VWA8: variants seen among roughly 807,000 people sequenced by gnomAD.
The protein encoded by VWA8 is von Willebrand factor A domain-containing protein 8.
A neutral mutation model predicts 241.5 loss-of-function variants in VWA8; 221 were observed. That is an observed-to-expected ratio of 0.91 (90% confidence interval 0.82 to 1.02). The LOEUF (loss-of-function observed/expected upper bound fraction) is 1.02. VWA8 is among the 50% of genes least tolerant of loss of function. The pLI is 0.00. For synonymous variants in VWA8, 852 were observed against 827.1 expected (o/e 1.03, Z -0.52); for missense variants, 2,322 against 2,328.7 (o/e 1.00, Z 0.06).
chr13:41,604,654 A>G (rs12323134), intron 40 of VWA8, among the ~76,000 whole-genome samples: 71,580 of 151,960 alleles, frequency 0.47, 17,760 homozygotes, highest in South Asian at 0.66. Flanking sequence ...GAATGGAGAA[A>G]CAGGGCACAG....
intron 21 of VWA8, among the ~76,000 whole-genome samples, chr13:41,757,404 A>G (rs1455815240): frequency 6.6e-6 from 1 of 151,824 alleles, no homozygotes; most frequent in Non-Finnish European, 1.5e-5. Flanking sequence ...ATGAAGCTGG[A>G]GTAAAAGAAC....
In VWA8 at chr13:41,729,663, C is replaced by G; in HGVS notation, c.2517G>C (p.Lys839Asn). The change falls in exon 23 of 45, where the codon AAG becomes AAC. Residue 839 changes from lysine (K) to asparagine (N), a missense_variant. Transcript: ENST00000379310. ...CATCTACTACCAGAATATGACCCAA[C>G]TTTACTGCTTTAACCTTTGACGACA... The part of the protein sequence containing the change: ...YEDSPLVKAV[K>N]LGHILVVDEA... 1.2e-6 allele frequency: 2 copies of G among 1,611,298 alleles called. No individual in the cohort carries two copies. Among genetic ancestry groups the G allele is most frequent in the Non-Finnish European group, 1.7e-6 (2 of 1,178,948 alleles).
At position 41,709,224 on chromosome 13, in the gene VWA8, G is replaced by A. The variant is rs142989056; in HGVS notation, c.3117-5813C>T. Among the ~76,000 whole-genome samples, 38 of 152,318 alleles carry A rather than the reference G, an allele frequency of 2.5e-4. No homozygotes were observed. In the East Asian group the frequency reaches 6.8e-3, roughly 27 times the overall value. On this transcript the variant is annotated intron_variant, in intron 26 of 44. Coordinates refer to ENST00000379310, the MANE Select transcript of VWA8 (RefSeq NM_015058.2). ...ATGTTTTCCTTACTAGAGTGTTAATGCATCGAGAGTAAGCCTTACATATTA... is the reference window on the plus strand; with the variant it reads ...ATGTTTTCCTTACTAGAGTGTTAATACATCGAGAGTAAGCCTTACATATTA...
intron 42 of VWA8, among the ~76,000 whole-genome samples, chr13:41,584,128 A>G (rs2044401858): frequency 6.6e-6 from 1 of 152,196 alleles, no homozygotes; most frequent in Admixed American, 6.5e-5. Flanking sequence ...AACCTAAGTG[A>G]GGGCACATGG....
intron 36 of VWA8, among the ~76,000 whole-genome samples, chr13:41,674,321 G>C (rs562088462): frequency 6.6e-6 from 1 of 152,126 alleles, no homozygotes; most frequent in Non-Finnish European, 1.5e-5. Context: ...TGTTGTCCCT[G>C]GTCTTCCTCT....
intron 2 of VWA8, chr13:41,925,996 C>A (rs777770448): frequency 1.0e-5 from 4 of 401,772 alleles, no homozygotes; most frequent in Non-Finnish European, 1.9e-5. Flanking sequence ...AGGATCCATG[C>A]TAAAAGAGCT....
At chr13:41,692,406 T>A (rs141123162) in intron 30 of VWA8, among the ~76,000 whole-genome samples, 1 of 152,220 alleles carries the variant, frequency 6.6e-6, no homozygotes, top group East Asian at 1.9e-4. Flanking sequence ...ATAAATTCTC[T>A]TGTGTTGGCC....
At chr13:41,935,737 T>C (rs1207762997) in intron 2 of VWA8, among the ~76,000 whole-genome samples, 1 of 151,696 alleles carries the variant, frequency 6.6e-6, no homozygotes, top group African/African-American at 2.4e-5. Context: ...GTAATAGACC[T>C]ATAAAGGTGC....
At chr13:41,608,389 C>T (rs2044566224) in intron 39 of VWA8, among the ~76,000 whole-genome samples, 1 of 152,146 alleles carries the variant, frequency 6.6e-6, no homozygotes, top group Non-Finnish European at 1.5e-5. Flanking sequence ...TACTCTCAGG[C>T]CCACAAAACT....
At chr13:41,621,679 A>AGTG in intron 37 of VWA8, among the ~76,000 whole-genome samples, 1 of 152,314 alleles carries the variant, frequency 6.6e-6, no homozygotes, top group South Asian at 2.1e-4. Context: ...CTGCTGTAAG[A>AGTG]GAACAGTCTT....
At position 41,837,363 on chromosome 13, in the gene VWA8, T is replaced by G. The variant is rs1593806003; in HGVS notation, c.1426-3832A>C. 3.3e-5 allele frequency among the ~76,000 whole-genome samples: 5 copies of G among 152,336 alleles called. No individual in the cohort carries two copies. In the South Asian group the frequency reaches 1.0e-3, roughly 32 times the overall value. On this transcript the variant is annotated intron_variant, in intron 12 of 44. Coordinates refer to ENST00000379310, the MANE Select transcript of VWA8 (RefSeq NM_015058.2). ...TCCTTAAAGAGATAGTTGGCCCTACTTTCCCCAATATTAGTTATTATCAGA... is the reference window on the plus strand; with the variant it reads ...TCCTTAAAGAGATAGTTGGCCCTACGTTCCCCAATATTAGTTATTATCAGA...
At chr13:41,757,151 AAG>A (rs1352149314) in intron 21 of VWA8, among the ~76,000 whole-genome samples, 4 of 151,770 alleles carry the variant, frequency 2.6e-5, no homozygotes, top group Non-Finnish European at 5.9e-5. Context: ...AGGAAAAAAA[AAG>A]AGAGTGTTTC....
At chr13:41,654,197 T>A (rs571364294) in intron 37 of VWA8, among the ~76,000 whole-genome samples, 2 of 152,222 alleles carry the variant, frequency 1.3e-5, no homozygotes, top group East Asian at 3.9e-4. Context: ...CAAGCAAGAA[T>A]CATGAACAGA....
intron 19 of VWA8, 45 bp from the exon 20 acceptor site, chr13:41,778,101 G>A (rs1478998968): frequency 7.0e-7 from 1 of 1,424,398 alleles, no homozygotes; most frequent in South Asian, 1.4e-5. Flanking sequence ...TACAATCAAG[G>A]TTAAATAAGA....
chr13:41,867,331 A>C (rs910001404), intron 10 of VWA8, among the ~76,000 whole-genome samples: 1 of 152,142 alleles, frequency 6.6e-6, no homozygotes, highest in Non-Finnish European at 1.5e-5. Context: ...CCATATCCCC[A>C]GTCATTCCAA....
chr13:41,697,378 C>T (rs1031483904), intron 29 of VWA8, among the ~76,000 whole-genome samples: 1 of 152,174 alleles, frequency 6.6e-6, no homozygotes, highest in African/African-American at 2.4e-5. Flanking sequence ...TCAAAACCTC[C>T]TAATGTCTTC....
At position 41,830,552 on chromosome 13, in the gene VWA8, C is replaced by A. The variant is rs761948758; in HGVS notation, c.1677G>T (p.Leu559=). The A allele has an allele frequency of 1.2e-6, 2 of 1,613,764 alleles. No individual in the cohort carries two copies. The highest frequency in any genetic ancestry group is 3.3e-5 in the Admixed American group (2 of 60,018). Residue 559 remains leucine, a synonymous_variant, in exon 14 of 45, where the codon CTG becomes CTT. Coordinates refer to ENST00000379310, the MANE Select transcript of VWA8 (RefSeq NM_015058.2). Reference sequence around the variant, plus strand: ...ACCTCTTCTGTAGCTGTTCATCAGACAGTTGCAGCTCCTCCTTTAAACGCA... The same window carrying A: ...ACCTCTTCTGTAGCTGTTCATCAGAAAGTTGCAGCTCCTCCTTTAAACGCA... The part of the protein sequence containing the change: ...RYMRLKEELQ[L]SDEQLQKRSI...
chr13:41,921,881 T>C (rs1876555924), intron 2 of VWA8, among the ~76,000 whole-genome samples: 1 of 152,222 alleles, frequency 6.6e-6, no homozygotes, highest in African/African-American at 2.4e-5. Context: ...ATAGACTCAA[T>C]GTCATCTCCA....
intron 20 of VWA8, among the ~76,000 whole-genome samples, chr13:41,763,308 AATAGATAG>A (rs542268211): frequency 0.016 from 2,388 of 145,808 alleles, 59 homozygotes; most frequent in African/African-American, 0.046. Flanking sequence ...TAAATAAATA[AATAGATAG>A]ATAGATAGAT....
Sources: allele counts gnomAD v4.1 joint callset (sites outside exome capture counted in the v4.1 genomes callset), GRCh38; gene constraint gnomAD v4.1.1; transcripts MANE v1.5; gene names NCBI Gene and HGNC (gene_info 2026-07-23, HGNC 2026-07-21).